CCDC178: variants seen among roughly 807,000 people sequenced by gnomAD.
CCDC178 encodes coiled-coil domain-containing protein 178.
In CCDC178, 126 loss-of-function variants were observed where a neutral mutation model predicts 117.4. The observed-to-expected ratio is 1.07, with a 90% CI of 0.93 to 1.24. CCDC178 has a LOEUF of 1.24. Among genes scored for constraint, CCDC178 ranks in the 50% most tolerant of loss-of-function variants. CCDC178 has a pLI of 0.00. For missense variants in CCDC178, 1,030 were observed against 986.9 expected, an observed-to-expected ratio of 1.04 and a Z score of -0.59; for synonymous variants, 283 against 313.4, an observed-to-expected ratio of 0.90 and a Z score of 1.02.
At chr18:33,068,667 T>C (rs1375465984) in intron 21 of CCDC178, among the ~76,000 whole-genome samples, 1 of 149,378 alleles carries the variant, frequency 6.7e-6, no homozygotes, top group African/African-American at 2.5e-5. Context: ...AAGGAAATTA[T>C]TTCAACATAA....
intron 21 of CCDC178, among the ~76,000 whole-genome samples, chr18:32,991,378 C>T (rs775961344): frequency 8.6e-5 from 13 of 151,956 alleles, no homozygotes; most frequent in Non-Finnish European, 1.8e-4. Context: ...ACATTTACAA[C>T]CTGTGGGGGA....
At chr18:33,044,680 A>G (rs191589474) in intron 21 of CCDC178, among the ~76,000 whole-genome samples, 1 of 152,304 alleles carries the variant, frequency 6.6e-6, no homozygotes, top group East Asian at 1.9e-4. Flanking sequence ...AAAGGGTAAG[A>G]AACAATTATA....
chr18:33,424,703 G>C (rs2064092230), intron 2 of CCDC178, among the ~76,000 whole-genome samples: 1 of 152,212 alleles, frequency 6.6e-6, no homozygotes, highest in Non-Finnish European at 1.5e-5. Context: ...TTAAAGGCAA[G>C]GGAGAGGCTG....
rs533327253 is a variant in CCDC178 at position 33,021,884 on chromosome 18, C to T, written c.2389-47203G>A. 2.0e-5 allele frequency among the ~76,000 whole-genome samples: 3 copies of T among 151,170 alleles called. No homozygotes were observed. The South Asian group carries it at 6.2e-4, about 31-fold the overall frequency. On this transcript the variant is annotated intron_variant, in intron 21 of 22. Coordinates refer to ENST00000383096, the MANE Select transcript of CCDC178 (RefSeq NM_001105528.4). ...TTTAAGGCTGCTCAACTAGACTTTT[C>T]TCTCTCTCTCTCTGTCTCATTCTCT...
intron 14 of CCDC178, among the ~76,000 whole-genome samples, chr18:33,253,529 T>C (rs1373671332): frequency 6.6e-6 from 1 of 151,762 alleles, no homozygotes; most frequent in African/African-American, 2.4e-5. Flanking sequence ...AAGGGGAAGG[T>C]GATTCAGATA....
At chr18:33,322,126 A>G (rs984607608) in intron 11 of CCDC178, among the ~76,000 whole-genome samples, 1 of 151,950 alleles carries the variant, frequency 6.6e-6, no homozygotes, top group Non-Finnish European at 1.5e-5. Flanking sequence ...AAAATATAGG[A>G]AGCAAAAACT....
chr18:33,260,534 A>C (rs944210276), intron 14 of CCDC178, among the ~76,000 whole-genome samples: 28 of 151,378 alleles, frequency 1.8e-4, no homozygotes, highest in African/African-American at 6.8e-4. Flanking sequence ...ATCTTCTCAG[A>C]TATAGCTATA....
At chr18:32,970,234 TG>T (rs919368800) in intron 22 of CCDC178, among the ~76,000 whole-genome samples, 5 of 152,092 alleles carry the variant, frequency 3.3e-5, no homozygotes, top group African/African-American at 1.2e-4. Flanking sequence ...CTGGCCCACC[TG>T]GTTTTCTGCC....
rs1566134 is a variant in CCDC178 at position 33,073,547 on chromosome 18, C to A, written c.2388+19214G>T. 3.7e-3 allele frequency among the ~76,000 whole-genome samples: 455 copies of A among 121,662 alleles called. 8 individuals are homozygous for A. The highest frequency in any genetic ancestry group is 0.031 in the Admixed American group (375 of 11,918). The allele number at this position is 121,662 out of a possible 152,430, so 79.8% of individuals were successfully genotyped here. On this transcript the variant is annotated intron_variant, in intron 21 of 22. Transcript: ENST00000383096. ...TCTATCTATCTATCTATCTATCTATCTATCTATATATATATCTTTGCAGAC... is the reference window on the plus strand; with the variant it reads ...TCTATCTATCTATCTATCTATCTATATATCTATATATATATCTTTGCAGAC...
In CCDC178 at chr18:32,974,448, C is replaced by A. The variant is rs147748789; in HGVS notation, c.2523+99G>T. 3.2e-4 allele frequency: 369 copies of A among 1,156,102 alleles called. 3 individuals are homozygous for A. In the East Asian group the frequency reaches 8.6e-3, roughly 27 times the overall value. 71.6% of individuals were successfully genotyped at this position (1,156,102 alleles called of 1,614,324 possible). A position where few individuals can be genotyped will look rare whatever the true frequency, so the allele number is the denominator to read the frequency against. ...TTAAAGAGGTTAAAAATTTATAAAA[C>A]TCTGATGGGATATGGTTTTAATGCT... is the stretch of plus-strand genomic sequence containing the variant. On this transcript the variant is annotated intron_variant, in intron 22 of 22. Transcript: ENST00000383096.
At chr18:33,156,641 C>CAAAAAAAAAAAAAAAAAAAAAAAAA in intron 20 of CCDC178, among the ~76,000 whole-genome samples, 1 of 99,242 alleles carries the variant, frequency 1.0e-5, no homozygotes, top group East Asian at 3.0e-4. Context: ...TCCTCCCTCT[C>CAAAAAAAAAAAAAAAAAAAAAAAAA]AAAAAAAAAA....
chr18:33,169,780 T>C (rs1364373528), intron 20 of CCDC178, among the ~76,000 whole-genome samples: 3 of 152,198 alleles, frequency 2.0e-5, no homozygotes, highest in African/African-American at 7.2e-5. Flanking sequence ...ATATAATGGC[T>C]TGATTATATT....
At chr18:33,165,023 T>C (rs1015135241) in intron 20 of CCDC178, among the ~76,000 whole-genome samples, 3 of 152,238 alleles carry the variant, frequency 2.0e-5, no homozygotes, top group Admixed American at 6.5e-5. Context: ...AAAAATCCCA[T>C]TTGTTAATAT....
intron 20 of CCDC178, among the ~76,000 whole-genome samples, chr18:33,109,956 C>G (rs769607232): frequency 6.6e-6 from 1 of 151,396 alleles, no homozygotes; most frequent in Non-Finnish European, 1.5e-5. Context: ...CACATGTGCT[C>G]TAATTCCTGA....
At position 32,983,238 on chromosome 18, in the gene CCDC178, T is replaced by C. The variant is rs1308733822; in HGVS notation, c.2389-8557A>G. The C allele has an allele frequency of 3.5e-6, 4 of 1,140,602 alleles. No individual in the cohort carries two copies. In the South Asian group the frequency reaches 4.0e-5, roughly 11 times the overall value. 70.7% of individuals were successfully genotyped at this position (1,140,602 alleles called of 1,614,324 possible). A position where few individuals can be genotyped will look rare whatever the true frequency, so the allele number is the denominator to read the frequency against. On this transcript the variant is annotated intron_variant, in intron 21 of 22. Transcript: ENST00000383096. ...CACTTGTTAGAGGTTACAGTATTTC[T>C]GAAAGATGCACGTGTATGCATGGAT...
At chr18:33,381,174 T>G (rs1233890217) in intron 5 of CCDC178, among the ~76,000 whole-genome samples, 1 of 152,166 alleles carries the variant, frequency 6.6e-6, no homozygotes, top group Non-Finnish European at 1.5e-5. Context: ...TATTCATTGA[T>G]CTTAATTAGA....
At chr18:33,189,599 C>A (rs943686565) in intron 20 of CCDC178, among the ~76,000 whole-genome samples, 2 of 152,026 alleles carry the variant, frequency 1.3e-5, no homozygotes, top group Admixed American at 6.6e-5. Context: ...AACTGTGTAT[C>A]CTGTTTTGGC....
intron 14 of CCDC178, among the ~76,000 whole-genome samples, chr18:33,261,163 G>A (rs1276253516): frequency 3.3e-5 from 5 of 151,790 alleles, no homozygotes; most frequent in Admixed American, 2.0e-4. Context: ...GGCTCACTGC[G>A]AGCTCCGCCT....
At chr18:33,215,831 A>T in intron 18 of CCDC178, 136 bp from the exon 19 acceptor site, 1 of 596,874 alleles carries the variant, frequency 1.7e-6, no homozygotes, top group Non-Finnish European at 2.7e-6. Flanking sequence ...TCACTCCTGT[A>T]ATCCCAGCAC....
Sources: allele counts gnomAD v4.1 joint callset (sites outside exome capture counted in the v4.1 genomes callset), GRCh38; gene constraint gnomAD v4.1.1; transcripts MANE v1.5; gene names NCBI Gene and HGNC (gene_info 2026-07-23, HGNC 2026-07-21).